Variants in KCNMA1 observed in about 807,000 individuals in gnomAD.
KCNMA1 encodes potassium calcium-activated channel subfamily M alpha 1, also known as Calcium-activated potassium channel subunit alpha-1.
Under a neutral mutation model 140.0 loss-of-function variants are expected in KCNMA1, and 29 were observed. That is an observed-to-expected ratio of 0.21 (90% CI 0.15 to 0.28). The LOEUF is 0.28. KCNMA1 is among the 10% of genes least tolerant of loss of function. KCNMA1 has a pLI of 1.00. For synonymous variants in KCNMA1, 612 were observed against 611.9 expected (o/e 1.00, Z 0.00); for missense variants, 880 against 1,602.2 (o/e 0.55, Z 7.70).
rs1362080414 is a variant in KCNMA1, at chr10:77,028,020, G to A, written c.1860-129C>T. The A allele has an allele frequency of 9.7e-6, 8 of 827,024 alleles. No homozygotes were observed. In the East Asian group the frequency reaches 1.5e-4, roughly 16 times the overall value. 51.2% of individuals were successfully genotyped at this position (827,024 alleles called of 1,614,324 possible). ...AGGGGATCCTCATTCCACCGGCACTGTGCCAAAGGGAGGGGGTGGAAGCAA... is the reference window on the plus strand; with the variant it reads ...AGGGGATCCTCATTCCACCGGCACTATGCCAAAGGGAGGGGGTGGAAGCAA... On this transcript the variant is annotated intron_variant, in intron 15 of 27. Coordinates refer to ENST00000286628, the MANE Select transcript of KCNMA1 (RefSeq NM_001161352.2).
At chr10:77,349,280 G>T (rs1048226762) in intron 2 of KCNMA1, among the ~76,000 whole-genome samples, 1 of 152,154 alleles carries the variant, frequency 6.6e-6, no homozygotes, top group African/African-American at 2.4e-5. Flanking sequence ...CAGCAAGAAA[G>T]TGCCATCTAT....
At chr10:76,962,654 T>C (rs2072124003) in intron 20 of KCNMA1, among the ~76,000 whole-genome samples, 1 of 152,228 alleles carries the variant, frequency 6.6e-6, no homozygotes, top group South Asian at 2.1e-4. Context: ...TGGGAACTTC[T>C]AGAGATGCTC....
At chr10:76,941,053 GAGAAAGAAAGAAAGAAAA>G (rs1565060169) in intron 23 of KCNMA1, among the ~76,000 whole-genome samples, 29 of 55,160 alleles carry the variant, frequency 5.3e-4, no homozygotes, top group South Asian at 1.6e-3. Context: ...AAGAAAGAAA[GAGAAAGAAAGAAAGAAAA>G]AGAAAGAAAG....
chr10:77,078,222 T>C (rs773756533), intron 13 of KCNMA1: 1 of 152,262 alleles, frequency 6.6e-6, no homozygotes, highest in Non-Finnish European at 1.5e-5. Context: ...CAGCGAGTTA[T>C]TCTGTACAGA....
At chr10:77,038,396 C>G (rs1156657305) in intron 15 of KCNMA1, among the ~76,000 whole-genome samples, 1 of 152,118 alleles carries the variant, frequency 6.6e-6, no homozygotes, top group Non-Finnish European at 1.5e-5. Flanking sequence ...TCCCAGATAC[C>G]CCTGTTTCTT....
chr10:77,417,899 G>A (rs2096778260), intron 1 of KCNMA1, among the ~76,000 whole-genome samples: 1 of 152,166 alleles, frequency 6.6e-6, no homozygotes. Flanking sequence ...AGGTTACCAG[G>A]CATACAGCGG....
chr10:77,117,478 G>A (rs1340609127), intron 6 of KCNMA1, among the ~76,000 whole-genome samples: 1 of 131,396 alleles, frequency 7.6e-6, no homozygotes, highest in Non-Finnish European at 1.5e-5. Context: ...GAACCCTGGA[G>A]ACGGAGGTTG....
chr10:77,031,117 C>G (rs550378963), intron 15 of KCNMA1, among the ~76,000 whole-genome samples: 1 of 152,346 alleles, frequency 6.6e-6, no homozygotes, highest in African/African-American at 2.4e-5. Flanking sequence ...GAAATCGAGT[C>G]TTTGACGCAA....
intron 15 of KCNMA1, among the ~76,000 whole-genome samples, chr10:77,035,024 G>T (rs12240978): frequency 0.015 from 2,270 of 152,210 alleles, 77 homozygotes; most frequent in African/African-American, 0.051. Context: ...CTCCCTGGGG[G>T]TAGGGGAGTG....
At chr10:76,939,130 T>G in intron 23 of KCNMA1, 1 of 140,100 alleles carries the variant, frequency 7.1e-6, no homozygotes. Flanking sequence ...TTTTTTTTTT[T>G]TTTTTTTTGA....
At chr10:77,299,474 C>G (rs376632155) in intron 2 of KCNMA1, among the ~76,000 whole-genome samples, 2 of 152,308 alleles carry the variant, frequency 1.3e-5, no homozygotes, top group East Asian at 3.9e-4. Context: ...TCTGGCCCCC[C>G]TCCAACGTGC....
At chr10:77,342,028 T>C (rs1372953143) in intron 2 of KCNMA1, among the ~76,000 whole-genome samples, 3 of 152,108 alleles carry the variant, frequency 2.0e-5, no homozygotes, top group South Asian at 2.1e-4. Flanking sequence ...CCCACAACAC[T>C]TGCCCTGCAC....
At chr10:76,975,945 T>G (rs1249846450) in intron 19 of KCNMA1, among the ~76,000 whole-genome samples, 2 of 152,136 alleles carry the variant, frequency 1.3e-5, no homozygotes, top group Non-Finnish European at 2.9e-5. Flanking sequence ...AGAAAGATGC[T>G]GCCCCTTAAA....
intron 3 of KCNMA1, among the ~76,000 whole-genome samples, chr10:77,235,387 G>A (rs1321499934): frequency 6.6e-6 from 1 of 152,138 alleles, no homozygotes; most frequent in African/African-American, 2.4e-5. Context: ...CAGGGAGACA[G>A]ATATTCTCCT....
At chr10:77,338,641 T>C (rs1011747931) in intron 2 of KCNMA1, among the ~76,000 whole-genome samples, 4 of 152,160 alleles carry the variant, frequency 2.6e-5, no homozygotes, top group Non-Finnish European at 5.9e-5. Flanking sequence ...CTACGAGCTT[T>C]GAACCCATCT....
chr10:77,283,685 A>G (rs564692549), intron 2 of KCNMA1, among the ~76,000 whole-genome samples: 1 of 152,316 alleles, frequency 6.6e-6, no homozygotes, highest in South Asian at 2.1e-4. Context: ...ACTTATGTAT[A>G]CTGCAGATAC....
chr10:77,168,660 C>G (rs2098669687), intron 5 of KCNMA1, among the ~76,000 whole-genome samples: 1 of 152,046 alleles, frequency 6.6e-6, no homozygotes, highest in Non-Finnish European at 1.5e-5. Context: ...TACATAGCAG[C>G]TATAATAATA....
At chr10:77,228,440 C>G (rs1209460412) in intron 3 of KCNMA1, among the ~76,000 whole-genome samples, 1 of 152,028 alleles carries the variant, frequency 6.6e-6, no homozygotes, top group African/African-American at 2.4e-5. Context: ...GAGAAGAGCA[C>G]TATAAAAAGC....
At chr10:77,610,505 C>T (rs560882220) in intron 1 of KCNMA1, among the ~76,000 whole-genome samples, 55 of 152,362 alleles carry the variant, frequency 3.6e-4, no homozygotes, top group Middle Eastern at 6.8e-3. Flanking sequence ...GAATCTCTTT[C>T]TTCCAGAGTC....
Sources: gnomAD v4.1 joint callset for allele counts (sites outside exome capture counted in the v4.1 genomes callset) on GRCh38, gnomAD v4.1.1 for gene constraint, MANE v1.5 for transcripts, NCBI Gene and HGNC (gene_info 2026-07-23, HGNC 2026-07-21) for gene names.